SOX5: variants seen among roughly 807,000 people sequenced by gnomAD.
The protein encoded by SOX5 is transcription factor SOX-5.
SOX5 carries 9 observed loss-of-function variants against 92.0 expected under a neutral mutation model. The observed-to-expected ratio is 0.10, with a 90% CI of 0.06 to 0.17. The LOEUF (loss-of-function observed/expected upper bound fraction) is 0.17. Among genes scored for constraint, SOX5 ranks in the 10% least tolerant of loss-of-function variants. The pLI, the probability that SOX5 is intolerant of heterozygous loss-of-function variation, is 1.00. For missense variants in SOX5, 642 were observed against 944.5 expected (o/e 0.68, Z 4.20); for synonymous variants, 344 against 336.3 (o/e 1.02, Z -0.25).
intron 4 of SOX5, among the ~76,000 whole-genome samples, chr12:23,979,729 T>G (rs1483873607): frequency 8.0e-5 from 10 of 125,474 alleles, no homozygotes; most frequent in Non-Finnish European, 1.7e-4. Flanking sequence ...TTTTTTTTTT[T>G]TTTTTGGAGA....
chr12:24,231,713 GA>G (rs1963443608), intron 3 of SOX5, among the ~76,000 whole-genome samples: 1 of 152,200 alleles, frequency 6.6e-6, no homozygotes. Flanking sequence ...GAGTAGGCAT[GA>G]AAGGGCCCAC....
chr12:24,383,472 T>G (rs1012424069), intron 1 of SOX5, among the ~76,000 whole-genome samples: 1 of 152,348 alleles, frequency 6.6e-6, no homozygotes, highest in African/African-American at 2.4e-5. Context: ...AAATCTTCAA[T>G]GGAAAATTCC....
At chr12:23,859,127 A>G (rs749042253) in intron 2 of SOX5, among the ~76,000 whole-genome samples, 9 of 152,220 alleles carry the variant, frequency 5.9e-5, no homozygotes, top group Non-Finnish European at 1.3e-4. Flanking sequence ...AAAAGAACAG[A>G]ATAACAGCGA....
intron 1 of SOX5, among the ~76,000 whole-genome samples, chr12:24,436,151 C>T (rs2137114747): frequency 6.6e-6 from 1 of 152,246 alleles, no homozygotes; most frequent in Middle Eastern, 3.4e-3. Flanking sequence ...ACAATGGCTT[C>T]TAAGTGTTCA....
chr12:24,477,031 T>C (rs1425898897), intron 1 of SOX5, among the ~76,000 whole-genome samples: 3 of 138,858 alleles, frequency 2.2e-5, no homozygotes, highest in East Asian at 2.3e-4. Context: ...TTCATTCCAA[T>C]CTAAAGAAAA....
At chr12:23,800,952 C>T (rs1182703854) in intron 3 of SOX5, among the ~76,000 whole-genome samples, 2 of 152,108 alleles carry the variant, frequency 1.3e-5, no homozygotes, top group East Asian at 1.9e-4. Flanking sequence ...TACTGAAAAC[C>T]ACTCCCTGTT....
At chr12:24,333,754 T>C (rs1951583197) in intron 2 of SOX5, among the ~76,000 whole-genome samples, 4 of 151,934 alleles carry the variant, frequency 2.6e-5, no homozygotes. Context: ...GTTTCAATAT[T>C]GTTAGTTAAC....
At chr12:23,850,438 AT>A (rs5797045) in intron 2 of SOX5, among the ~76,000 whole-genome samples, 32,265 of 132,092 alleles carry the variant, frequency 0.24, 4,211 homozygotes, top group East Asian at 0.59. Context: ...CAAAAAAAAA[AT>A]AAATAAATAA....
intron 4 of SOX5, among the ~76,000 whole-genome samples, chr12:24,164,339 T>C (rs920265027): frequency 6.6e-6 from 1 of 152,096 alleles, no homozygotes; most frequent in Non-Finnish European, 1.5e-5. Context: ...ATTACAATAA[T>C]ATATGCTTTC....
intron 2 of SOX5, among the ~76,000 whole-genome samples, chr12:23,882,650 G>C (rs1412428236): frequency 6.6e-6 from 1 of 152,152 alleles, no homozygotes; most frequent in Non-Finnish European, 1.5e-5. Flanking sequence ...AAGCGCGATG[G>C]AAAAGGGAGT....
At chr12:24,172,104 T>C (rs993727809) in intron 4 of SOX5, among the ~76,000 whole-genome samples, 32 of 57,386 alleles carry the variant, frequency 5.6e-4, no homozygotes, top group Non-Finnish European at 9.9e-4. Context: ...CGTGCGCGCG[T>C]GTGTGTCTGT....
intron 3 of SOX5, among the ~76,000 whole-genome samples, chr12:23,794,862 A>G (rs954152736): frequency 4.7e-4 from 72 of 152,118 alleles, no homozygotes; most frequent in Non-Finnish European, 7.8e-4. Context: ...AATAAGTCAC[A>G]TTTAGATTTT....
chr12:23,650,898 G>T (rs2081476390), intron 7 of SOX5, among the ~76,000 whole-genome samples: 1 of 152,054 alleles, frequency 6.6e-6, no homozygotes, highest in Admixed American at 6.6e-5. Context: ...TAGAACGATT[G>T]GAAGAAGGAG....
chr12:24,502,706 A>G (rs1948339909), intron 1 of SOX5, among the ~76,000 whole-genome samples: 1 of 152,220 alleles, frequency 6.6e-6, no homozygotes, highest in African/African-American at 2.4e-5. Context: ...CAAGATGTTT[A>G]TTAATTCAAT....
chr12:24,510,036 T>TTAA (rs1949164210), intron 1 of SOX5, among the ~76,000 whole-genome samples: 1 of 152,232 alleles, frequency 6.6e-6, no homozygotes, highest in Non-Finnish European at 1.5e-5. Context: ...ACAAACAGTT[T>TTAA]TAAAAACAAA....
Position 23,730,296 on chromosome 12 carries a change from G to A in SOX5, c.810+4388C>T, listed in dbSNP as rs188277511. On this transcript the variant is annotated intron_variant, in intron 6 of 14. Coordinates refer to ENST00000451604, the MANE Select transcript of SOX5 (RefSeq NM_006940.6). ...ATTTACAAATTTCATCTATTAATATGCATTAAAGTTAGCTTGATACAGTAA... is the reference window on the plus strand; with the variant it reads ...ATTTACAAATTTCATCTATTAATATACATTAAAGTTAGCTTGATACAGTAA... 3.5e-3 allele frequency among the ~76,000 whole-genome samples: 538 copies of A among 152,184 alleles called. 6 individuals are homozygous for A. Among genetic ancestry groups the A allele is most frequent in the African/African-American group, 0.012 (518 of 41,534 alleles).
chr12:23,786,736 C>T (rs1441939932), intron 3 of SOX5, among the ~76,000 whole-genome samples: 2 of 145,476 alleles, frequency 1.4e-5, no homozygotes, highest in Non-Finnish European at 3.1e-5. Flanking sequence ...ATAACATTTA[C>T]TGTCTCTGAA....
intron 2 of SOX5, among the ~76,000 whole-genome samples, chr12:24,288,525 G>A (rs563126594): frequency 6.6e-6 from 1 of 151,588 alleles, no homozygotes. Flanking sequence ...AAGTGACAGA[G>A]GTCACCGTTA....
chr12:23,620,633 T>G lies in SOX5; in HGVS notation c.1018-16100A>C, dbSNP rs1449208962. ...AAGAAAAAGGTATAGCAAAAATGAG[T>G]CCTTTTCACTACCCCAACACATATA... On this transcript the variant is annotated intron_variant, in intron 8 of 14. Transcript: ENST00000451604. Among the ~76,000 whole-genome samples the G allele has an allele frequency of 7.9e-5, 12 of 152,120 alleles. No homozygotes were observed. The East Asian group carries it at 2.1e-3, about 27-fold the overall frequency.
Sources: allele counts gnomAD v4.1 joint callset (sites outside exome capture counted in the v4.1 genomes callset), GRCh38; gene constraint gnomAD v4.1.1; transcripts MANE v1.5; gene names NCBI Gene and HGNC (gene_info 2026-07-23, HGNC 2026-07-21).